Variants in DLG2 observed in about 807,000 individuals in gnomAD.
DLG2 encodes the protein discs large MAGUK scaffold protein 2.
DLG2 carries 45 observed loss-of-function variants against 132.5 expected under a neutral mutation model. The ratio of observed to expected loss-of-function variants is 0.34; its 90% CI spans 0.27 to 0.44. The LOEUF (loss-of-function observed/expected upper bound fraction) is 0.44. Among genes scored for constraint, DLG2 ranks in the 20% least tolerant of loss-of-function variants. The pLI is 1.00. For synonymous variants in DLG2, 424 were observed against 419.6 expected, an observed-to-expected ratio of 1.01 and a Z score of -0.13; for missense variants, 1,045 against 1,196.9, an observed-to-expected ratio of 0.87 and a Z score of 1.87.
At chr11:84,890,652 T>C (rs761922702) in intron 6 of DLG2, 7 of 152,092 alleles carry the variant, frequency 4.6e-5, no homozygotes, top group Non-Finnish European at 7.3e-5. Context: ...AAGTCATTCA[T>C]AGGAAAAGGC....
chr11:85,021,504 G>C, intron 6 of DLG2: 1 of 1,495,674 alleles, frequency 6.7e-7, no homozygotes, highest in South Asian at 1.1e-5. Flanking sequence ...AGGCAAAGCC[G>C]TTATGAACAG....
intron 6 of DLG2, among the ~76,000 whole-genome samples, chr11:84,977,189 C>T (rs1272303453): frequency 6.6e-6 from 1 of 152,154 alleles, no homozygotes; most frequent in Non-Finnish European, 1.5e-5. Context: ...CCCCTAGTAA[C>T]AATGGCTGAT....
intron 18 of DLG2, among the ~76,000 whole-genome samples, chr11:83,672,394 C>T (rs2076982447): frequency 6.6e-6 from 1 of 152,066 alleles, no homozygotes; most frequent in South Asian, 2.1e-4. Flanking sequence ...TCAGGCTGGT[C>T]TCAAACTCCT....
intron 18 of DLG2, among the ~76,000 whole-genome samples, chr11:83,726,748 A>C (rs2090075796): frequency 6.7e-6 from 1 of 150,192 alleles, no homozygotes; most frequent in Non-Finnish European, 1.5e-5. Flanking sequence ...GATCTGCCTG[A>C]AAACAAACAA....
At chr11:83,873,655 A>C (rs1225849036) in intron 16 of DLG2, among the ~76,000 whole-genome samples, 1 of 152,220 alleles carries the variant, frequency 6.6e-6, no homozygotes, top group African/African-American at 2.4e-5. Context: ...GACTAATACA[A>C]CAGGTGATTG....
chr11:84,590,033 T>C (rs1245236850), intron 6 of DLG2, among the ~76,000 whole-genome samples: 2 of 152,174 alleles, frequency 1.3e-5, no homozygotes, highest in Non-Finnish European at 2.9e-5. Flanking sequence ...TTTGGAAATG[T>C]TCATCTTTAA....
intron 21 of DLG2, among the ~76,000 whole-genome samples, chr11:83,497,548 A>G (rs1432956100): frequency 6.7e-6 from 1 of 148,770 alleles, no homozygotes; most frequent in Admixed American, 6.7e-5. Context: ...AACAAAAAAC[A>G]AAAAACAAAA....
intron 6 of DLG2, among the ~76,000 whole-genome samples, chr11:84,739,822 G>A (rs1330343994): frequency 2.0e-5 from 3 of 152,010 alleles, no homozygotes; most frequent in Admixed American, 1.3e-4. Flanking sequence ...ACCTCTATGG[G>A]CATTGAAACT....
intron 7 of DLG2, among the ~76,000 whole-genome samples, chr11:84,424,391 A>G (rs1601873321): frequency 6.6e-6 from 1 of 152,132 alleles, no homozygotes; most frequent in African/African-American, 2.4e-5. Context: ...AGAAGCTCCA[A>G]AGAATTGTAT....
At chr11:84,759,668 C>G (rs2067340073) in intron 6 of DLG2, among the ~76,000 whole-genome samples, 1 of 152,086 alleles carries the variant, frequency 6.6e-6, no homozygotes, top group South Asian at 2.1e-4. Flanking sequence ...GCAAAAGTGG[C>G]CCTAATAAAA....
intron 3 of DLG2, among the ~76,000 whole-genome samples, chr11:85,566,518 TC>T (rs2077533264): frequency 6.6e-6 from 1 of 152,072 alleles, no homozygotes; most frequent in African/African-American, 2.4e-5. Flanking sequence ...AAGTCTGAAA[TC>T]AGAGTGCCAG....
chr11:84,114,983 T>C (rs1358598688), intron 9 of DLG2, among the ~76,000 whole-genome samples: 1 of 152,182 alleles, frequency 6.6e-6, no homozygotes, highest in African/African-American at 2.4e-5. Context: ...CTTCACATTC[T>C]TGTACCAAGT....
intron 11 of DLG2, among the ~76,000 whole-genome samples, chr11:84,025,889 A>G (rs977801277): frequency 6.6e-6 from 1 of 152,158 alleles, no homozygotes; most frequent in Non-Finnish European, 1.5e-5. Flanking sequence ...GCATTCTTAT[A>G]TTGACAACAT....
intron 18 of DLG2, chr11:83,643,644 C>T (rs1438368846): frequency 1.3e-5 from 2 of 152,098 alleles, no homozygotes; most frequent in Non-Finnish European, 2.9e-5. Flanking sequence ...TTGCCTGACG[C>T]CATCCATGCA....
At chr11:85,284,278 CT>C (rs571673394) in intron 4 of DLG2, among the ~76,000 whole-genome samples, 1,735 of 146,898 alleles carry the variant, frequency 0.012, 23 homozygotes, top group African/African-American at 0.036. Flanking sequence ...TCATGATTAA[CT>C]TTTTTTTTTT....
At chr11:85,529,600 G>T (rs999501097) in intron 3 of DLG2, among the ~76,000 whole-genome samples, 3 of 152,090 alleles carry the variant, frequency 2.0e-5, no homozygotes, top group African/African-American at 7.2e-5. Flanking sequence ...TGGTGAACAA[G>T]TCTACTCAGA....
intron 7 of DLG2, among the ~76,000 whole-genome samples, chr11:84,352,649 T>C (rs1217173102): frequency 1.3e-5 from 2 of 152,180 alleles, no homozygotes; most frequent in Non-Finnish European, 2.9e-5. Flanking sequence ...GCTCAATTCA[T>C]TGGCGCAAGT....
At chr11:84,365,569 G>C (rs1455101117) in intron 7 of DLG2, among the ~76,000 whole-genome samples, 1 of 151,764 alleles carries the variant, frequency 6.6e-6, no homozygotes, top group African/African-American at 2.4e-5. Context: ...GAATGTGTTT[G>C]CTCTTGCTTT....
At chr11:85,490,290 T>C (rs2093526594) in intron 3 of DLG2, among the ~76,000 whole-genome samples, 2 of 152,050 alleles carry the variant, frequency 1.3e-5, no homozygotes, top group Non-Finnish European at 1.5e-5. Context: ...ACAGGGAAGT[T>C]AGCACTATTT....
Sources: allele counts gnomAD v4.1 joint callset (sites outside exome capture counted in the v4.1 genomes callset), GRCh38; gene constraint gnomAD v4.1.1; transcripts MANE v1.5; gene names NCBI Gene and HGNC (gene_info 2026-07-23, HGNC 2026-07-21).